The following NEMF variants were observed in gnomAD, a reference collection of about 807,000 sequenced individuals.
The protein encoded by NEMF is nuclear export mediator factor.
In NEMF, 89 loss-of-function variants were observed where a neutral mutation model predicts 162.2. The ratio of observed to expected loss-of-function variants is 0.55; its 90% CI spans 0.46 to 0.65. The LOEUF (loss-of-function observed/expected upper bound fraction) is 0.65. Ranked by LOEUF, NEMF falls within the 30% of genes least tolerant of loss-of-function variation. The pLI, the probability that NEMF is intolerant of heterozygous loss-of-function variation, is 0.00. For missense variants in NEMF, 1,133 were observed against 1,261.9 expected (o/e 0.90, Z 1.55); for synonymous variants, 421 against 404.5 (o/e 1.04, Z -0.49).
In NEMF at chr14:49,783,126, G is replaced by A. The variant is rs1189969528; in HGVS notation, c.*1510C>T. On this transcript the variant is annotated 3_prime_UTR_variant, in exon 33 of 33. Coordinates refer to ENST00000298310, the MANE Select transcript of NEMF (RefSeq NM_004713.6). ...TTTGTGTCTAAAGTTTACAATAAAT[G>A]TATTTAACACCAGTAGCTGTCCTCT... 16 of 509,344 alleles carry A rather than the reference G, an allele frequency of 3.1e-5. No homozygotes were observed. The highest frequency in any genetic ancestry group is 5.3e-5 in the Non-Finnish European group (16 of 301,298). 31.6% of individuals were successfully genotyped at this position (509,344 alleles called of 1,614,324 possible).
At position 49,828,681 on chromosome 14, in the gene NEMF, A is replaced by C; in HGVS notation, c.1359T>G (p.Pro453=). Residue 453 remains proline, a synonymous_variant, in exon 14 of 33, where the codon CCT becomes CCG. Transcript: ENST00000298310. ...KKQKNKQLQK[P]QKNKPLLVDV... ...CTACAAGTAAGGGCTTATTTTTCTGAGGCTTCTGCAGCTGTTTATTCTTTT... is the reference window on the plus strand; with the variant it reads ...CTACAAGTAAGGGCTTATTTTTCTGCGGCTTCTGCAGCTGTTTATTCTTTT... 1 of 1,599,456 alleles carries C rather than the reference A, an allele frequency of 6.3e-7. No individual in the cohort carries two copies. The highest frequency in any genetic ancestry group is 8.5e-7 in the Non-Finnish European group (1 of 1,176,412).
chr14:49,828,706 T>A lies in NEMF; in HGVS notation c.1334A>T (p.Gln445Leu), dbSNP rs767534791. 1 of 1,607,224 alleles carries A rather than the reference T, an allele frequency of 6.2e-7. No homozygotes were observed. The highest frequency in any genetic ancestry group is 2.2e-5 in the East Asian group (1 of 44,656). Reference sequence around the variant, plus strand: ...AGGCTTCTGCAGCTGTTTATTCTTTTGTTTTTTCTTTTTTCCTTTTGGTGG... The same window carrying A: ...AGGCTTCTGCAGCTGTTTATTCTTTAGTTTTTTCTTTTTTCCTTTTGGTGG... ...TEPPKGKKKK[Q>L]KNKQLQKPQK... The change falls in exon 14 of 33, where the codon CAA becomes CTA. Residue 445 changes from glutamine (Q) to leucine (L), a missense_variant. Coordinates refer to ENST00000298310, the MANE Select transcript of NEMF (RefSeq NM_004713.6).
Position 49,851,639 on chromosome 14 carries a change from A to G in NEMF, c.155T>C (p.Leu52Pro). Residue 52 changes from leucine (L) to proline (P), a missense_variant, in exon 3 of 33, where the codon CTT (leucine) becomes CCT (proline). Leu to Pro is a moderately conservative substitution (Grantham distance 98). Around this residue, in one of 3 missense-constraint regions of NEMF, gnomAD observed 582 missense variants for 631.5 expected, o/e 0.92. Coordinates refer to ENST00000298310, the MANE Select transcript of NEMF (RefSeq NM_004713.6). ...QKPDFKATLL[L>P]ESGIRIHTTE... ...TGTATGAATTCGTATGCCAGATTCAAGTAAAAGTGTAGCTTTAAAGTCCGG... is the reference window on the plus strand; with the variant it reads ...TGTATGAATTCGTATGCCAGATTCAGGTAAAAGTGTAGCTTTAAAGTCCGG... 6.2e-7 allele frequency: 1 copy of G among 1,613,994 alleles called. No homozygotes were observed. The highest frequency in any genetic ancestry group is 8.5e-7 in the Non-Finnish European group (1 of 1,179,916).
rs527481506 is a variant in NEMF, at chr14:49,810,629, T to C, written c.1744+3359A>G. Among the ~76,000 whole-genome samples, 4 of 152,278 alleles carry C rather than the reference T, an allele frequency of 2.6e-5. No individual in the cohort carries two copies. The East Asian group carries it at 7.7e-4, about 29-fold the overall frequency. On this transcript the variant is annotated intron_variant, in intron 18 of 32. Coordinates refer to ENST00000298310, the MANE Select transcript of NEMF (RefSeq NM_004713.6). ...TCATTTTCAATACTGCTTTCGCTAA[T>C]CTGAGTCTCCTTGCATTACCACATG... is the stretch of plus-strand genomic sequence containing the variant.
At chr14:49,801,978 G>T (rs572799581) in intron 22 of NEMF, among the ~76,000 whole-genome samples, 88 of 149,846 alleles carry the variant, frequency 5.9e-4, no homozygotes, top group African/African-American at 1.9e-3. Flanking sequence ...TTGAGACAGG[G>T]TCTCATTCTG....
chr14:49,790,141 T>C (rs1890371743), intron 26 of NEMF, among the ~76,000 whole-genome samples: 1 of 152,114 alleles, frequency 6.6e-6, no homozygotes, highest in Non-Finnish European at 1.5e-5. Context: ...ATTTTGAAAA[T>C]TGTAAATTTG....
chr14:49,782,413 G>A lies in NEMF; in HGVS notation c.*2223C>T, dbSNP rs1566639048. 6.2e-7 allele frequency: 1 copy of A among 1,612,604 alleles called. No individual in the cohort carries two copies. Among genetic ancestry groups the A allele is most frequent in the Non-Finnish European group, 8.5e-7 (1 of 1,178,734 alleles). ...TGCCAGCGATGAAGGAGAAGTAATT[G>A]TTTTTGGTGGATGTGCCAACAACTT... On this transcript the variant is annotated 3_prime_UTR_variant, in exon 33 of 33. Transcript: ENST00000298310.
chr14:49,851,004 G>A (rs140229911), intron 3 of NEMF, among the ~76,000 whole-genome samples: 504 of 152,310 alleles, frequency 3.3e-3, no homozygotes, highest in Middle Eastern at 0.01. Flanking sequence ...ACGCATTTGA[G>A]ATCAGACTGG....
intron 4 of NEMF, chr14:49,844,854 T>C (rs770090710): frequency 5.0e-6 from 2 of 397,654 alleles, no homozygotes; most frequent in Non-Finnish European, 1.0e-5. Context: ...CTGCAACCAC[T>C]GCCTCCCAGG....
intron 16 of NEMF, 63 bp from the exon 17 acceptor site, chr14:49,814,920 T>G: frequency 1.1e-6 from 1 of 928,266 alleles, no homozygotes; most frequent in Non-Finnish European, 1.7e-6. Context: ...ATACCCTTTT[T>G]GCAAACAAAA....
Position 49,838,211 on chromosome 14 carries a change from GA to G in NEMF, c.507-6del. On this transcript the variant is annotated splice_region_variant and splice_polypyrimidine_tract_variant and intron_variant, in intron 5 of 32. Coordinates refer to ENST00000298310, the MANE Select transcript of NEMF (RefSeq NM_004713.6). ...CTGGCTACTATTTCAGTCAACCTGT[GA>G]AACAAAACGGACATGCCTCTATCAT... is the stretch of plus-strand genomic sequence containing the variant. The G allele has an allele frequency of 6.2e-7, 1 of 1,613,456 alleles. No individual in the cohort carries two copies. Among genetic ancestry groups the G allele is most frequent in the Non-Finnish European group, 8.5e-7 (1 of 1,179,488 alleles).
intron 25 of NEMF, among the ~76,000 whole-genome samples, chr14:49,798,799 C>A (rs565307185): frequency 6.6e-6 from 1 of 152,106 alleles, no homozygotes; most frequent in Non-Finnish European, 1.5e-5. Context: ...CCCAGCTACT[C>A]GGGAGGCTGA....
Position 49,831,401 on chromosome 14 carries a change from C to G in NEMF, c.883-40G>C, listed in dbSNP as rs780868905. 5 of 1,189,688 alleles carry G rather than the reference C, an allele frequency of 4.2e-6. No homozygotes were observed. The South Asian group carries it at 6.2e-5, about 15-fold the overall frequency. The allele number at this position is 1,189,688 out of a possible 1,614,324, so 73.7% of individuals were successfully genotyped here. A position where few individuals can be genotyped will look rare whatever the true frequency, so the allele number is the denominator to read the frequency against. On this transcript the variant is annotated intron_variant, in intron 10 of 32. Coordinates refer to ENST00000298310, the MANE Select transcript of NEMF (RefSeq NM_004713.6). The stretch of plus-strand genomic sequence containing the variant: ...AAACAACTAGTTGGAAAAAAAAGCA[C>G]AGTCTCTACTTCAACTTGCATACAC...
intron 16 of NEMF, among the ~76,000 whole-genome samples, chr14:49,820,775 G>A (rs1331515777): frequency 5.9e-5 from 9 of 152,024 alleles, no homozygotes; most frequent in South Asian, 2.1e-4. Flanking sequence ...GTGCCGCCAC[G>A]CCTGACTGGT....
intron 16 of NEMF, among the ~76,000 whole-genome samples, chr14:49,815,959 G>A (rs376513764): frequency 1.3e-5 from 2 of 152,006 alleles, no homozygotes; most frequent in Admixed American, 1.3e-4. Context: ...ACGAGACTCT[G>A]TCTCAAAAAA....
In NEMF at chr14:49,852,760, G is replaced by A. The variant is rs372619699; in HGVS notation, c.-7C>T. On this transcript the variant is annotated 5_prime_UTR_variant, in exon 1 of 33. Coordinates refer to ENST00000298310, the MANE Select transcript of NEMF (RefSeq NM_004713.6). ...TGCTAAAGCGGCTCTTCATGGCGAG[G>A]CCCGAGGGTCACTACCGCAAGTTCC... 50 of 1,614,056 alleles carry A rather than the reference G, an allele frequency of 3.1e-5. No homozygotes were observed. The highest frequency in any genetic ancestry group is 5.3e-5 in the African/African-American group (4 of 74,938).
Position 49,785,007 on chromosome 14 carries a change from GTAAA to G in NEMF, c.3074-7_3074-4del, listed in dbSNP as rs779597362. The G allele has an allele frequency of 5.6e-6, 9 of 1,612,704 alleles. No homozygotes were observed. The highest frequency in any genetic ancestry group is 7.6e-6 in the Non-Finnish European group (9 of 1,179,078). ...ACTATTCAAGGCTGTTTTTGCAGCT[GTAAA>G]TACAAAAAAGAGTAAGAATAATCTA... On this transcript the variant is annotated splice_region_variant and splice_polypyrimidine_tract_variant and intron_variant, in intron 31 of 32. Coordinates refer to ENST00000298310, the MANE Select transcript of NEMF (RefSeq NM_004713.6).
Position 49,802,442 on chromosome 14 carries a change from C to T in NEMF, c.2095+11G>A. The T allele has an allele frequency of 1.9e-6, 3 of 1,610,388 alleles. No homozygotes were observed. Among genetic ancestry groups the T allele is most frequent in the Non-Finnish European group, 1.7e-6 (2 of 1,178,804 alleles). ...ACATCACAAGCTAATTTCTTAAAAT[C>T]TATAAACTACCTAATTGTTCCATTT... is the stretch of plus-strand genomic sequence containing the variant. On this transcript the variant is annotated intron_variant, in intron 22 of 32. Transcript: ENST00000298310.
At chr14:49,852,667 A>G (rs755913879) in intron 1 of NEMF, 28 bp downstream of exon 1, 2 of 1,613,316 alleles carry the variant, frequency 1.2e-6, no homozygotes, top group African/African-American at 2.7e-5. Context: ...CACTCCCCAC[A>G]CGAGCCTCGT....
Sources: gnomAD v4.1 joint callset for allele counts (sites outside exome capture counted in the v4.1 genomes callset) on GRCh38, gnomAD v4.1.1 for gene constraint, gnomAD v4.1.1 regional missense constraint, MANE v1.5 for transcripts, NCBI Gene and HGNC (gene_info 2026-07-23, HGNC 2026-07-21) for gene names.